TRPC3: variants seen among roughly 807,000 people sequenced by gnomAD.
The protein encoded by TRPC3 is transient receptor potential cation channel subfamily C member 3.
TRPC3 carries 54 observed loss-of-function variants against 90.9 expected under a neutral mutation model. The observed-to-expected ratio is 0.59, with a 90% CI of 0.48 to 0.75. TRPC3 has a LOEUF of 0.75. TRPC3 is among the 30% of genes least tolerant of loss of function. The probability of loss-of-function intolerance (pLI) is 0.00; values close to 1 mark genes in which losing one functional copy is unlikely to be tolerated. For synonymous variants in TRPC3, 424 were observed against 450.9 expected (o/e 0.94, Z 0.75); for missense variants, 918 against 1,194.5 (o/e 0.77, Z 3.41).
chr4:121,948,848 T>TG (rs1730584751), intron 1 of TRPC3, among the ~76,000 whole-genome samples: 1 of 137,106 alleles, frequency 7.3e-6, no homozygotes, highest in Admixed American at 7.8e-5. Flanking sequence ...CGGTTTTTTT[T>TG]TTGTTTTTTT....
intron 11 of TRPC3, among the ~76,000 whole-genome samples, chr4:121,881,728 T>A (rs1727950366): frequency 6.6e-6 from 1 of 152,154 alleles, no homozygotes; most frequent in Admixed American, 6.6e-5. Context: ...TAGGGCAACT[T>A]ATTTCTCCCT....
At chr4:121,914,232 T>A in intron 4 of TRPC3, among the ~76,000 whole-genome samples, 1 of 152,254 alleles carries the variant, frequency 6.6e-6, no homozygotes, top group East Asian at 1.9e-4. Flanking sequence ...CCTACATTTT[T>A]AAGAACTGTC....
intron 3 of TRPC3, among the ~76,000 whole-genome samples, chr4:121,920,816 C>T (rs1729475018): frequency 6.6e-6 from 1 of 152,140 alleles, no homozygotes; most frequent in Non-Finnish European, 1.5e-5. Flanking sequence ...GTTTTCCTTA[C>T]AAATTTGTTT....
chr4:121,881,559 T>TA (rs1018462013), intron 11 of TRPC3, among the ~76,000 whole-genome samples: 2 of 152,220 alleles, frequency 1.3e-5, no homozygotes, highest in South Asian at 2.1e-4. Flanking sequence ...ATACATACAC[T>TA]ATTGGATTGA....
intron 10 of TRPC3, among the ~76,000 whole-genome samples, chr4:121,894,890 T>C (rs577291747): frequency 2.0e-5 from 3 of 152,208 alleles, no homozygotes; most frequent in South Asian, 4.1e-4. Flanking sequence ...CGTGGTACAT[T>C]CTCTATGATT....
intron 10 of TRPC3, among the ~76,000 whole-genome samples, chr4:121,894,984 A>C (rs1375775981): frequency 6.6e-6 from 1 of 152,216 alleles, no homozygotes; most frequent in African/African-American, 2.4e-5. Context: ...CCACAATGGA[A>C]TAAAATTAGA....
intron 1 of TRPC3, among the ~76,000 whole-genome samples, chr4:121,948,847 TTTTG>T (rs1279207688): frequency 7.3e-6 from 1 of 137,328 alleles, no homozygotes; most frequent in Non-Finnish European, 1.5e-5. Context: ...GCGGTTTTTT[TTTTG>T]TTTTTTTGTT....
At chr4:121,934,134 G>A (rs967924923) in intron 1 of TRPC3, among the ~76,000 whole-genome samples, 1 of 152,142 alleles carries the variant, frequency 6.6e-6, no homozygotes, top group Non-Finnish European at 1.5e-5. Flanking sequence ...GTCAATTGAT[G>A]TGTACAGTGA....
intron 6 of TRPC3, among the ~76,000 whole-genome samples, chr4:121,909,572 C>T (rs192499782): frequency 1.2e-3 from 184 of 152,222 alleles, no homozygotes; most frequent in African/African-American, 4.2e-3. Context: ...TGAGGTCTCA[C>T]TGCTCTTCAT....
intron 3 of TRPC3, among the ~76,000 whole-genome samples, chr4:121,921,773 G>C (rs966506535): frequency 6.6e-6 from 1 of 152,048 alleles, no homozygotes; most frequent in Non-Finnish European, 1.5e-5. Flanking sequence ...AACCCAAGAC[G>C]TGGTTTTGCT....
rs139237533 is a variant in TRPC3, at chr4:121,877,562, T to C, written c.*2174A>G. On this transcript the variant is annotated 3_prime_UTR_variant, in exon 12 of 12. Transcript: ENST00000379645. The stretch of plus-strand genomic sequence containing the variant: ...TGGCTAGGAACTGCACAGGAGAATC[T>C]GGGAGACAGGTGCACTGGTCCAGTA... Among the ~76,000 whole-genome samples, 568 of 152,196 alleles carry C rather than the reference T, an allele frequency of 3.7e-3. 11 individuals are homozygous for C. The highest frequency in any genetic ancestry group is 1.1e-3 in the Non-Finnish European group (77 of 67,990).
At position 121,931,565 on chromosome 4, in the gene TRPC3, A is replaced by T. The variant is rs573756646; in HGVS notation, c.987+706T>A. ...AGAAAAAAAGTTCACTTATTAAAAA[A>T]AATCTCTTAAAGCAAATCACTTTGC... On this transcript the variant is annotated intron_variant, in intron 2 of 11. Transcript: ENST00000379645. 1.6e-3 allele frequency among the ~76,000 whole-genome samples: 237 copies of T among 152,358 alleles called. 1 individual carries two copies. Among genetic ancestry groups the T allele is most frequent in the Admixed American group, 3.3e-3 (50 of 15,304 alleles).
chr4:121,907,833 T>C (rs1042844846), intron 6 of TRPC3, among the ~76,000 whole-genome samples: 2 of 152,006 alleles, frequency 1.3e-5, no homozygotes, highest in African/African-American at 4.8e-5. Context: ...ATACAAAACA[T>C]GGAGAGGTTA....
chr4:121,905,433 A>G (rs1713069462), intron 7 of TRPC3, among the ~76,000 whole-genome samples: 1 of 152,114 alleles, frequency 6.6e-6, no homozygotes, highest in Non-Finnish European at 1.5e-5. Context: ...TAATTTATAT[A>G]ATGTACTTCC....
intron 1 of TRPC3, among the ~76,000 whole-genome samples, chr4:121,947,488 A>C (rs990972220): frequency 4.6e-5 from 7 of 152,066 alleles, no homozygotes; most frequent in African/African-American, 1.7e-4. Context: ...CTAACATACA[A>C]AGTGTTTTAG....
At position 121,932,316 on chromosome 4, in the gene TRPC3, G is replaced by A; in HGVS notation, c.942C>T (p.Leu314=). The A allele has an allele frequency of 6.2e-7, 1 of 1,614,154 alleles. No individual in the cohort carries two copies. Among genetic ancestry groups the A allele is most frequent in the Non-Finnish European group, 8.5e-7 (1 of 1,180,036 alleles). ...SEDPVLTALE[L]SNELAKLANI... ...TGGCCAGCTTGGCCAGCTCGTTGCT[G>A]AGCTCTAGGGCCGTAAGCACCGGGT... Residue 314 remains leucine (L), a synonymous_variant, in exon 2 of 12, where the codon CTC becomes CTT. Transcript: ENST00000379645. The surrounding 1 kb of genome is among the most constrained non-coding windows in gnomAD (Gnocchi z 7.7).
chr4:121,898,155 G>A (rs966083223), intron 10 of TRPC3, among the ~76,000 whole-genome samples: 1 of 152,198 alleles, frequency 6.6e-6, no homozygotes, highest in Admixed American at 6.5e-5. Flanking sequence ...ACTAGAGACT[G>A]GGAAGGGTAA....
At chr4:121,926,909 G>T (rs1729738960) in intron 2 of TRPC3, among the ~76,000 whole-genome samples, 1 of 152,184 alleles carries the variant, frequency 6.6e-6, no homozygotes, top group Admixed American at 6.5e-5. Flanking sequence ...TAGAAACTGA[G>T]GAAGGGCCCA....
intron 9 of TRPC3, among the ~76,000 whole-genome samples, chr4:121,902,105 C>T (rs1269563576): frequency 1.3e-5 from 2 of 152,050 alleles, no homozygotes; most frequent in South Asian, 2.1e-4. Flanking sequence ...ATTGATATCT[C>T]GTGGGCTTTT....
Sources: gnomAD v4.1 joint callset for allele counts (sites outside exome capture counted in the v4.1 genomes callset) on GRCh38, gnomAD v4.1.1 for gene constraint, Gnocchi (gnomAD v3.1) non-coding constraint, MANE v1.5 for transcripts, NCBI Gene and HGNC (gene_info 2026-07-23, HGNC 2026-07-21) for gene names.